Variants in GLIS3 observed in about 807,000 individuals in gnomAD.
GLIS3 encodes GLIS family zinc finger 3, also known as zinc finger protein GLIS3.
In GLIS3, 53 loss-of-function variants were observed where a neutral mutation model predicts 78.6. That is an observed-to-expected ratio of 0.67 (90% CI 0.54 to 0.85). The LOEUF is 0.85. Ranked by LOEUF, GLIS3 falls within the 40% of genes least tolerant of loss-of-function variation. GLIS3 has a pLI of 0.00. For missense variants in GLIS3, 1,703 were observed against 1,231.1 expected, an observed-to-expected ratio of 1.38 and a Z score of -5.74; for synonymous variants, 684 against 509.9, an observed-to-expected ratio of 1.34 and a Z score of -4.60.
chr9:3,942,681 T>C (rs998640471), intron 4 of GLIS3, among the ~76,000 whole-genome samples: 4 of 152,228 alleles, frequency 2.6e-5, no homozygotes, highest in Non-Finnish European at 5.9e-5. Flanking sequence ...CAGCTTCACC[T>C]AGGAGACTCG....
chr9:4,090,593 C>A (rs1416148412), intron 4 of GLIS3, among the ~76,000 whole-genome samples: 1 of 152,178 alleles, frequency 6.6e-6, no homozygotes, highest in African/African-American at 2.4e-5. Flanking sequence ...AGAATCCCAA[C>A]TGGAAACGCT....
intron 4 of GLIS3, among the ~76,000 whole-genome samples, chr9:3,989,497 T>C (rs1395095147): frequency 2.0e-5 from 3 of 152,180 alleles, no homozygotes; most frequent in Admixed American, 6.5e-5. Flanking sequence ...CAGATGTCTC[T>C]CACCAGGCAG....
intron 1 of GLIS3, among the ~76,000 whole-genome samples, chr9:4,295,865 A>G (rs1449259411): frequency 1.3e-5 from 2 of 152,186 alleles, no homozygotes; most frequent in Non-Finnish European, 2.9e-5. Flanking sequence ...TAATCAAACT[A>G]TGTATCAATG....
In GLIS3 at chr9:4,271,054, C is replaced by G. The variant is rs138874136; in HGVS notation, c.388+14984G>C. Among the ~76,000 whole-genome samples the G allele has an allele frequency of 2.7e-3, 417 of 152,150 alleles. 2 individuals are homozygous for G. Among genetic ancestry groups the G allele is most frequent in the East Asian group, 0.023 (121 of 5,170 alleles). On this transcript the variant is annotated intron_variant, in intron 2 of 10. Coordinates refer to ENST00000381971, the MANE Select transcript of GLIS3 (RefSeq NM_001042413.2). ...CCAACCCTTCCTCTTCCTCCTTCTC[C>G]TCAGCCTACTCAATGTGAAGACAAT... is the stretch of plus-strand genomic sequence containing the variant.
intron 4 of GLIS3, among the ~76,000 whole-genome samples, chr9:4,061,826 C>T (rs1044680560): frequency 1.3e-4 from 20 of 152,156 alleles, no homozygotes; most frequent in African/African-American, 4.6e-4. Context: ...GCAAGAATGC[C>T]ACAAGTGAGA....
intron 9 of GLIS3, among the ~76,000 whole-genome samples, chr9:3,833,169 C>G (rs1387349024): frequency 2.0e-5 from 3 of 152,146 alleles, no homozygotes; most frequent in African/African-American, 7.2e-5. Flanking sequence ...TTGGCTGACA[C>G]AGGAAACTGT....
intron 4 of GLIS3, among the ~76,000 whole-genome samples, chr9:3,980,675 C>A (rs898316509): frequency 6.6e-6 from 1 of 152,084 alleles, no homozygotes; most frequent in Non-Finnish European, 1.5e-5. Context: ...TTTGGAATTT[C>A]TTTTCAAAAA....
At chr9:4,202,625 A>T (rs955627357) in intron 2 of GLIS3, among the ~76,000 whole-genome samples, 1 of 152,170 alleles carries the variant, frequency 6.6e-6, no homozygotes, top group Non-Finnish European at 1.5e-5. Context: ...ACAGACACAC[A>T]GACCAATGGA....
At chr9:4,381,509 T>G in the GLIS3 span, among the ~76,000 whole-genome samples, 1 of 152,010 alleles carries the variant, frequency 6.6e-6, no homozygotes, top group Non-Finnish European at 1.5e-5. Flanking sequence ...AGTTGCATGG[T>G]CACATAGTAC....
At chr9:4,432,285 G>T in the GLIS3 span, among the ~76,000 whole-genome samples, 1 of 152,212 alleles carries the variant, frequency 6.6e-6, no homozygotes, top group Non-Finnish European at 1.5e-5. Context: ...CTTACAGGAA[G>T]AAGTGATCAT....
intron 9 of GLIS3, among the ~76,000 whole-genome samples, chr9:3,846,573 C>T (rs913525905): frequency 3.3e-5 from 5 of 152,186 alleles, no homozygotes; most frequent in Non-Finnish European, 5.9e-5. Flanking sequence ...CAGGGCATTG[C>T]ATGACCTGCT....
At chr9:3,892,703 A>G (rs537536579) in intron 7 of GLIS3, among the ~76,000 whole-genome samples, 8 of 152,288 alleles carry the variant, frequency 5.3e-5, no homozygotes, top group Non-Finnish European at 1.0e-4. Flanking sequence ...CACAGGAAAG[A>G]GACATAACCA....
chr9:4,191,474 A>C (rs1393021124), intron 2 of GLIS3, among the ~76,000 whole-genome samples: 3 of 152,242 alleles, frequency 2.0e-5, no homozygotes, highest in Non-Finnish European at 4.4e-5. Flanking sequence ...ACTTGTCTAC[A>C]TTAAACATTT....
At chr9:4,006,741 C>T (rs1447644528) in intron 4 of GLIS3, among the ~76,000 whole-genome samples, 2 of 152,182 alleles carry the variant, frequency 1.3e-5, no homozygotes, top group Non-Finnish European at 2.9e-5. Flanking sequence ...CTGGCTTGTT[C>T]TAAAACTACC....
chr9:4,370,741 GTAT>G, the GLIS3 span, among the ~76,000 whole-genome samples: 1 of 151,258 alleles, frequency 6.6e-6, no homozygotes. Context: ...ATTTAGCATA[GTAT>G]TATATCCTTT....
intron 4 of GLIS3, among the ~76,000 whole-genome samples, chr9:3,967,467 C>T (rs1335880685): frequency 1.3e-5 from 2 of 151,988 alleles, no homozygotes; most frequent in Non-Finnish European, 2.9e-5. Flanking sequence ...CGGGCCATTG[C>T]ACTCCAGCCT....
chr9:3,955,233 T>C (rs903203040), intron 4 of GLIS3, among the ~76,000 whole-genome samples: 3 of 152,216 alleles, frequency 2.0e-5, no homozygotes, highest in Non-Finnish European at 2.9e-5. Flanking sequence ...CTTTAGTCAT[T>C]GCACCCATGA....
the GLIS3 span, among the ~76,000 whole-genome samples, chr9:4,475,210 G>T: frequency 1.3e-5 from 2 of 151,948 alleles, no homozygotes; most frequent in Non-Finnish European, 2.9e-5. Flanking sequence ...ATGAGAAAGG[G>T]TATTTGAAAT....
chr9:4,368,017 A>G, the GLIS3 span, among the ~76,000 whole-genome samples: 1 of 152,246 alleles, frequency 6.6e-6, no homozygotes, highest in Admixed American at 6.5e-5. Flanking sequence ...AAGCCCCTGG[A>G]CTTTCTACTG....
Sources: gnomAD v4.1 joint callset for allele counts (sites outside exome capture counted in the v4.1 genomes callset) on GRCh38, gnomAD v4.1.1 for gene constraint, MANE v1.5 for transcripts, NCBI Gene and HGNC (gene_info 2026-07-23, HGNC 2026-07-21) for gene names.